The following ULBP1 variants were observed in gnomAD, a reference collection of about 807,000 sequenced individuals.
The protein encoded by ULBP1 is UL16-binding protein 1.
Under a neutral mutation model 25.3 loss-of-function variants are expected in ULBP1, and 28 were observed. The ratio of observed to expected loss-of-function variants is 1.10; its 90% CI spans 0.82 to 1.51. ULBP1 has a LOEUF of 1.51. Among genes scored for constraint, ULBP1 ranks in the 40% most tolerant of loss-of-function variants. The pLI, the probability that ULBP1 is intolerant of heterozygous loss-of-function variation, is 0.00. For synonymous variants in ULBP1, 129 were observed against 103.0 expected, an observed-to-expected ratio of 1.25 and a Z score of -1.53; for missense variants, 348 against 290.9, an observed-to-expected ratio of 1.20 and a Z score of -1.43.
At chr6:149,964,213 G>A in intron 1 of ULBP1, 79 bp downstream of exon 1, 1 of 1,519,468 alleles carries the variant, frequency 6.6e-7, no homozygotes, top group Non-Finnish European at 9.1e-7. Context: ...TCAGAGGAGG[G>A]GAGGCTTCTG....
Position 149,972,974 on chromosome 6 carries a change from C to T in ULBP1, c.*1628C>T, listed in dbSNP as rs906915119. The T allele has an allele frequency of 2.6e-5, 4 of 152,276 alleles. No individual in the cohort carries two copies. The highest frequency in any genetic ancestry group is 5.9e-5 in the Non-Finnish European group (4 of 68,022). The allele number at this position is 152,276 out of a possible 1,614,324, so 9.4% of individuals were successfully genotyped here. ...CATTCAATCCCGCAATCCCACTACT[C>T]GGGATATACCCACAGGAAAAGAATT... On this transcript the variant is annotated 3_prime_UTR_variant, in exon 5 of 5. Coordinates refer to ENST00000229708, the MANE Select transcript of ULBP1 (RefSeq NM_025218.4).
At chr6:149,971,005 C>G (rs895964688) in intron 4 of ULBP1, among the ~76,000 whole-genome samples, 1 of 152,234 alleles carries the variant, frequency 6.6e-6, no homozygotes, top group Non-Finnish European at 1.5e-5. Context: ...GGTTTGTCTA[C>G]AAGCCCACCC....
chr6:149,964,535 G>A (rs1779162055), intron 1 of ULBP1, among the ~76,000 whole-genome samples: 1 of 148,302 alleles, frequency 6.7e-6, no homozygotes. Flanking sequence ...CGGCCTCTCC[G>A]AACATCGCCC....
In ULBP1 at chr6:149,969,035, G is replaced by T. The variant is rs762245133; in HGVS notation, c.350-50G>T. Reference sequence around the variant, plus strand: ...CAGGAGCCAGGAAAGGAAGCAGGGTGGGGCTCAGGCTTTGTCAAGATCAGA... The same window carrying T: ...CAGGAGCCAGGAAAGGAAGCAGGGTTGGGCTCAGGCTTTGTCAAGATCAGA... On this transcript the variant is annotated intron_variant, in intron 2 of 4. Transcript: ENST00000229708. The T allele has an allele frequency of 1.9e-6, 3 of 1,593,088 alleles. No homozygotes were observed. In the East Asian group the frequency reaches 6.7e-5, roughly 36 times the overall value.
At chr6:149,970,812 C>G (rs1251261183) in intron 4 of ULBP1, among the ~76,000 whole-genome samples, 3 of 152,260 alleles carry the variant, frequency 2.0e-5, no homozygotes, top group Non-Finnish European at 1.5e-5. Context: ...GATCCTGAGC[C>G]AGCTGATGGC....
chr6:149,966,276 G>A (rs1779203586), intron 1 of ULBP1, among the ~76,000 whole-genome samples: 1 of 152,092 alleles, frequency 6.6e-6, no homozygotes, highest in Admixed American at 6.5e-5. Flanking sequence ...CCCTGTCCTA[G>A]GTTGCTGACC....
chr6:149,970,199 A>G, intron 4 of ULBP1, 52 bp downstream of exon 4: 2 of 1,523,886 alleles, frequency 1.3e-6, no homozygotes, highest in Admixed American at 2.1e-5. Flanking sequence ...GTGAGATGGG[A>G]GGATGTGGAA....
In ULBP1 at chr6:149,971,499, C is replaced by A; in HGVS notation, c.*153C>A. 4 of 638,636 alleles carry A rather than the reference C, an allele frequency of 6.3e-6. No homozygotes were observed. Among genetic ancestry groups the A allele is most frequent in the Non-Finnish European group, 7.8e-6 (4 of 515,978 alleles). The allele number at this position is 638,636 out of a possible 1,614,324, so 39.6% of individuals were successfully genotyped here. On this transcript the variant is annotated 3_prime_UTR_variant, in exon 5 of 5. Coordinates refer to ENST00000229708, the MANE Select transcript of ULBP1 (RefSeq NM_025218.4). Reference sequence around the variant, plus strand: ...GTTCAAGCCTTAGCAAGCCCAGAGGCCCCCAGCAGACGATGAGGACATTGT... The same window carrying A: ...GTTCAAGCCTTAGCAAGCCCAGAGGACCCCAGCAGACGATGAGGACATTGT...
chr6:149,968,199 C>A (rs147246842), intron 1 of ULBP1, among the ~76,000 whole-genome samples: 1 of 152,204 alleles, frequency 6.6e-6, no homozygotes, highest in African/African-American at 2.4e-5. Context: ...CCTCACCCCA[C>A]CCACTGTGCT....
intron 1 of ULBP1, among the ~76,000 whole-genome samples, chr6:149,965,403 C>T (rs547081103): frequency 2.0e-5 from 3 of 152,366 alleles, no homozygotes; most frequent in South Asian, 2.1e-4. Flanking sequence ...CTGCTAGCAC[C>T]GCAGTCCAGG....
rs573842020 is a variant in ULBP1 at position 149,963,947 on chromosome 6, C to T, written c.-103C>T. 31 of 1,163,190 alleles carry T rather than the reference C, an allele frequency of 2.7e-5. No individual in the cohort carries two copies. The South Asian group carries it at 4.2e-4, about 16-fold the overall frequency. 72.1% of individuals were successfully genotyped at this position (1,163,190 alleles called of 1,614,324 possible). A position where few individuals can be genotyped will look rare whatever the true frequency, so the allele number is the denominator to read the frequency against. ...ATGCCTAGGATCCCGCCCAGTGTAT[C>T]CCTGCGCGCGGCGGGCCGGGCTGGG... On this transcript the variant is annotated 5_prime_UTR_variant, in exon 1 of 5. Transcript: ENST00000229708.
At chr6:149,970,638 C>T (rs1779297724) in intron 4 of ULBP1, among the ~76,000 whole-genome samples, 1 of 152,236 alleles carries the variant, frequency 6.6e-6, no homozygotes, top group Admixed American at 6.5e-5. Context: ...CCAAAGGCTG[C>T]ATTCCCAGAG....
intron 4 of ULBP1, 106 bp downstream of exon 4, chr6:149,970,253 A>T: frequency 7.0e-7 from 1 of 1,429,080 alleles, no homozygotes; most frequent in Non-Finnish European, 9.4e-7. Flanking sequence ...TCTCATCCTG[A>T]CATTAGACAG....
intron 1 of ULBP1, among the ~76,000 whole-genome samples, chr6:149,965,825 A>G (rs1582824088): frequency 1.3e-5 from 2 of 151,296 alleles, no homozygotes; most frequent in Admixed American, 1.3e-4. Flanking sequence ...ATCTCAGCTC[A>G]CCCCTGTCAC....
rs117573436 is a variant in ULBP1, at chr6:149,969,522, T to A, written c.625+162T>A. Among the ~76,000 whole-genome samples the A allele has an allele frequency of 3.3e-3, 507 of 152,172 alleles. 2 individuals carry two copies. The highest frequency in any genetic ancestry group is 4.5e-3 in the Non-Finnish European group (306 of 67,986). The stretch of plus-strand genomic sequence containing the variant: ...CTGGCATGCCTGTGCTCTCTCATCC[T>A]CCTCTCCCTTCTTCCCCCTGACTCC... On this transcript the variant is annotated intron_variant, in intron 3 of 4. Transcript: ENST00000229708.
In ULBP1 at chr6:149,969,450, A is replaced by T. The variant is rs924414271; in HGVS notation, c.625+90A>T. 9.8e-6 allele frequency: 15 copies of T among 1,534,762 alleles called. No homozygotes were observed. The African/African-American group carries it at 1.9e-4, about 20-fold the overall frequency. On this transcript the variant is annotated intron_variant, in intron 3 of 4. Coordinates refer to ENST00000229708, the MANE Select transcript of ULBP1 (RefSeq NM_025218.4). ...GTGAGTGCGTGTGTGTGTGTGTTTG[A>T]GTGAGTATGAACATGACCCCCTCAT...
intron 1 of ULBP1, among the ~76,000 whole-genome samples, chr6:149,965,931 C>T (rs912416729): frequency 6.6e-6 from 1 of 152,108 alleles, no homozygotes; most frequent in African/African-American, 2.4e-5. Flanking sequence ...AGGACACACC[C>T]CAGCAAACAC....
At chr6:149,971,321 C>T in intron 4 of ULBP1, 48 bp from the exon 5 acceptor site, 1 of 985,222 alleles carries the variant, frequency 1.0e-6, no homozygotes, top group South Asian at 4.7e-5. Context: ...GGAGAACAGA[C>T]CCAGGTTTTT....
In ULBP1 at chr6:149,968,875, G is replaced by C. The variant is rs1313845017; in HGVS notation, c.349+5G>C. Reference sequence around the variant, plus strand: ...TGGAGAATTTAATACCCATTGGTAAGTTTAAAATGGCCCAGGGAGCAGACA... The same window carrying C: ...TGGAGAATTTAATACCCATTGGTAACTTTAAAATGGCCCAGGGAGCAGACA... On this transcript the variant is annotated splice_donor_5th_base_variant and intron_variant, in intron 2 of 4. Coordinates refer to ENST00000229708, the MANE Select transcript of ULBP1 (RefSeq NM_025218.4). 6 of 1,612,318 alleles carry C rather than the reference G, an allele frequency of 3.7e-6. No homozygotes were observed. The African/African-American group carries it at 6.7e-5, about 18-fold the overall frequency.
Sources: gnomAD v4.1 joint callset for allele counts (sites outside exome capture counted in the v4.1 genomes callset) on GRCh38, gnomAD v4.1.1 for gene constraint, MANE v1.5 for transcripts, NCBI Gene and HGNC (gene_info 2026-07-23, HGNC 2026-07-21) for gene names.